Variants in KCNH1 observed in about 807,000 individuals in gnomAD.
KCNH1 encodes potassium voltage-gated channel subfamily H member 1.
In KCNH1, 27 loss-of-function variants were observed where a neutral mutation model predicts 69.2. That is an observed-to-expected ratio of 0.39 (90% CI 0.29 to 0.54). The LOEUF is 0.54. Ranked by LOEUF, KCNH1 falls within the 20% of genes least tolerant of loss-of-function variation. The pLI is 0.68. For synonymous variants in KCNH1, 456 were observed against 487.7 expected, an observed-to-expected ratio of 0.93 and a Z score of 0.86; for missense variants, 798 against 1,261.6, an observed-to-expected ratio of 0.63 and a Z score of 5.57.
At chr1:211,078,005 A>G (rs565794793) in intron 5 of KCNH1, among the ~76,000 whole-genome samples, 2 of 152,312 alleles carry the variant, frequency 1.3e-5, no homozygotes. Flanking sequence ...ACCAACAAAC[A>G]TCAAAAGAGA....
In KCNH1 at chr1:211,121,825, A is replaced by G. The variant is rs115203233; in HGVS notation, c.79+12042T>C. Among the ~76,000 whole-genome samples, 210 of 152,336 alleles carry G rather than the reference A, an allele frequency of 1.4e-3. 2 individuals are homozygous for G. The highest frequency in any genetic ancestry group is 4.8e-3 in the African/African-American group (200 of 41,584). On this transcript the variant is annotated intron_variant, in intron 1 of 10. Transcript: ENST00000271751. Reference sequence around the variant, plus strand: ...TCCAGAATTTACAAGGAAATTAAACATATTTACAAGAGAAAAACAAACAAC... The same window carrying G: ...TCCAGAATTTACAAGGAAATTAAACGTATTTACAAGAGAAAAACAAACAAC...
chr1:210,983,515 T>G (rs577120346), intron 6 of KCNH1, among the ~76,000 whole-genome samples: 186 of 152,366 alleles, frequency 1.2e-3, no homozygotes, highest in African/African-American at 4.1e-3. Context: ...CAGCACCATT[T>G]ATTAAATAGG....
At chr1:211,016,840 C>A (rs1689500935) in intron 6 of KCNH1, among the ~76,000 whole-genome samples, 1 of 137,810 alleles carries the variant, frequency 7.3e-6, no homozygotes, top group African/African-American at 2.8e-5. Flanking sequence ...ACCTGGGAGG[C>A]AGAGGTTGTG....
At chr1:210,823,266 G>C (rs189601785) in intron 7 of KCNH1, among the ~76,000 whole-genome samples, 105 of 152,226 alleles carry the variant, frequency 6.9e-4, no homozygotes, top group Non-Finnish European at 1.3e-3. Context: ...ACCCAAATTT[G>C]AAAGTCAATA....
intron 7 of KCNH1, chr1:210,918,980 A>G (rs1006249431): frequency 3.3e-5 from 5 of 152,020 alleles, no homozygotes; most frequent in Non-Finnish European, 5.9e-5. Flanking sequence ...TTTTTCTCAT[A>G]CTACATTAGA....
chr1:211,056,134 G>A (rs577585215), intron 5 of KCNH1, among the ~76,000 whole-genome samples: 38 of 152,332 alleles, frequency 2.5e-4, no homozygotes, highest in Admixed American at 2.2e-3. Flanking sequence ...CCGATTCATG[G>A]CTTTGGCCCC....
chr1:210,917,223 GAGAGAGAGAAAGAAAGAAAGAAAGAA>G (rs1333389399), intron 7 of KCNH1, among the ~76,000 whole-genome samples: 1 of 83,246 alleles, frequency 1.2e-5, no homozygotes, highest in South Asian at 4.2e-4. Context: ...GAGAGAGAGA[GAGAGAGAGAAAGAAAGAAAGAAAGAA>G]AGAAAGAAAG....
At chr1:211,090,891 G>A (rs1341042712) in intron 3 of KCNH1, among the ~76,000 whole-genome samples, 1 of 152,002 alleles carries the variant, frequency 6.6e-6, no homozygotes, top group African/African-American at 2.4e-5. Flanking sequence ...TTCAGTGAGG[G>A]GTTTCTCCTG....
intron 10 of KCNH1, among the ~76,000 whole-genome samples, chr1:210,722,791 C>G (rs1682501953): frequency 6.6e-6 from 1 of 152,186 alleles, no homozygotes; most frequent in South Asian, 2.1e-4. Context: ...TAGTAAAATA[C>G]AGCAATCTAA....
At chr1:210,859,326 T>C in intron 7 of KCNH1, 1 of 1,526,654 alleles carries the variant, frequency 6.6e-7, no homozygotes, top group Non-Finnish European at 9.1e-7. Flanking sequence ...ACTGTTTTCT[T>C]TGTTCTTCAT....
chr1:210,684,022 T>A lies in KCNH1; in HGVS notation c.2229A>T (p.Arg743Ser). The change falls in exon 11 of 11, where the codon AGA (arginine) becomes AGT (serine). Residue 743 changes from arginine to serine, a missense_variant. Physicochemically the swap from Arg to Ser is moderately radical, Grantham distance 110. Around this residue, in one of 4 missense-constraint regions of KCNH1, gnomAD observed 331 missense variants for 363.2 expected, o/e 0.91. Transcript: ENST00000271751. ...GCCTGGCCTCTTTCTGCTGTCGGAA[T>A]CTCTGGAAGAGGCGCCGGACAGGGT... ...PDHPVRRLFQ[R>S]FRQQKEARLA... is the part of the protein sequence containing the mutation. 1 of 1,590,032 alleles carries A rather than the reference T, an allele frequency of 6.3e-7. No individual in the cohort carries two copies. The highest frequency in any genetic ancestry group is 8.6e-7 in the Non-Finnish European group (1 of 1,163,976).
intron 7 of KCNH1, among the ~76,000 whole-genome samples, chr1:210,912,927 G>A (rs1687262085): frequency 6.6e-6 from 1 of 152,230 alleles, no homozygotes; most frequent in Non-Finnish European, 1.5e-5. Context: ...AGGCAAAAAA[G>A]ATAGCCATGA....
intron 7 of KCNH1, among the ~76,000 whole-genome samples, chr1:210,894,232 G>A (rs1458855087): frequency 1.3e-5 from 2 of 152,116 alleles, no homozygotes; most frequent in Non-Finnish European, 2.9e-5. Flanking sequence ...AAATTATTTG[G>A]AAACAACTTG....
Position 211,075,762 on chromosome 1 carries a change from C to T in KCNH1, c.558+7018G>A, listed in dbSNP as rs569414818. 2.8e-4 allele frequency among the ~76,000 whole-genome samples: 43 copies of T among 152,302 alleles called. No individual in the cohort carries two copies. In the South Asian group the frequency reaches 3.1e-3, roughly 11 times the overall value. On this transcript the variant is annotated intron_variant, in intron 5 of 10. Transcript: ENST00000271751. ...TGGGTGCAGCCCACAGAGGGCAAGC[C>T]GAAGCAGGGCGGAGCATTGCCTCAC...
chr1:211,048,138 C>A (rs1458265954), intron 5 of KCNH1, among the ~76,000 whole-genome samples: 1 of 152,254 alleles, frequency 6.6e-6, no homozygotes, highest in South Asian at 2.1e-4. Context: ...TGCGATACTA[C>A]CTTACTCCTG....
chr1:210,864,341 G>T (rs1345517448), intron 7 of KCNH1, among the ~76,000 whole-genome samples: 1 of 152,164 alleles, frequency 6.6e-6, no homozygotes, highest in Non-Finnish European at 1.5e-5. Context: ...CAGGACTGAG[G>T]TCCACTATGC....
chr1:210,789,136 A>G (rs1574256995), intron 9 of KCNH1, among the ~76,000 whole-genome samples: 2 of 152,204 alleles, frequency 1.3e-5, no homozygotes, highest in African/African-American at 4.8e-5. Flanking sequence ...AGCAAACAAC[A>G]TTATTATATG....
At chr1:210,763,264 A>G (rs962124659) in intron 10 of KCNH1, among the ~76,000 whole-genome samples, 3 of 152,164 alleles carry the variant, frequency 2.0e-5, no homozygotes, top group Admixed American at 2.0e-4. Flanking sequence ...CACAGCCAAC[A>G]TCATACTGAA....
intron 6 of KCNH1, among the ~76,000 whole-genome samples, chr1:210,980,314 T>C (rs1297489793): frequency 6.6e-6 from 1 of 152,148 alleles, no homozygotes; most frequent in East Asian, 1.9e-4. Flanking sequence ...TCAGAAAAGA[T>C]CACCTGTGTA....
Sources: allele counts gnomAD v4.1 joint callset (sites outside exome capture counted in the v4.1 genomes callset), GRCh38; gene constraint gnomAD v4.1.1; regional missense constraint gnomAD v4.1.1; transcripts MANE v1.5; gene names NCBI Gene and HGNC (gene_info 2026-07-23, HGNC 2026-07-21).